FAM107B: variants seen among roughly 807,000 people sequenced by gnomAD.
FAM107B encodes the protein family with sequence similarity 107 member B.
A neutral mutation model predicts 31.5 loss-of-function variants in FAM107B; 21 were observed. The ratio of observed to expected loss-of-function variants is 0.67; its 90% CI spans 0.47 to 0.96. The LOEUF (loss-of-function observed/expected upper bound fraction) is 0.96, where lower values mean the gene tolerates loss of function less well. FAM107B is among the 40% of genes least tolerant of loss of function. The pLI is 0.00. For missense variants in FAM107B, 452 were observed against 377.1 expected, an observed-to-expected ratio of 1.20 and a Z score of -1.64; for synonymous variants, 157 against 141.5, an observed-to-expected ratio of 1.11 and a Z score of -0.78.
At chr10:14,653,225 T>G (rs897384264) in intron 2 of FAM107B, among the ~76,000 whole-genome samples, 1 of 152,256 alleles carries the variant, frequency 6.6e-6, no homozygotes, top group Non-Finnish European at 1.5e-5. Context: ...TTTTTGAGTC[T>G]TAGAACTGTT....
rs112961351 is a variant in FAM107B, at chr10:14,540,228, A to T, written c.470-9713T>A. ...ACCTTGGCTAATGTTCCCCAGACCA[A>T]CTGCTACCTAGGAGCTGGCAGTGTC... is the stretch of plus-strand genomic sequence containing the variant. On this transcript the variant is annotated intron_variant, in intron 2 of 4. Coordinates refer to ENST00000181796, the MANE Select transcript of FAM107B (RefSeq NM_031453.4). Among the ~76,000 whole-genome samples, 440 of 152,332 alleles carry T rather than the reference A, an allele frequency of 2.9e-3. 5 individuals carry two copies. Among genetic ancestry groups the T allele is most frequent in the African/African-American group, 9.8e-3 (409 of 41,566 alleles).
chr10:14,647,685 C>CAA lies in FAM107B; in HGVS notation c.469+19947_469+19948dup, dbSNP rs35141961. On this transcript the variant is annotated intron_variant, in intron 2 of 4. Transcript: ENST00000181796. ...TGGGTGACAAAGTTAGACTCCATCT[C>CAA]AAAAAAAAAAAAAAAAAAAGATTGC... is the stretch of plus-strand genomic sequence containing the variant. Among the ~76,000 whole-genome samples, 390 of 89,068 alleles carry CAA rather than the reference C, an allele frequency of 4.4e-3. 4 individuals carry two copies. The highest frequency in any genetic ancestry group is 0.035 in the South Asian group (105 of 2,966). 58.4% of individuals were successfully genotyped at this position (89,068 alleles called of 152,430 possible).
intron 1 of FAM107B, among the ~76,000 whole-genome samples, chr10:14,768,898 T>C (rs955979607): frequency 4.6e-5 from 7 of 152,222 alleles, no homozygotes; most frequent in East Asian, 1.9e-4. Flanking sequence ...TCACCTCATC[T>C]TCCTGCTGTC....
At chr10:14,639,607 C>T (rs979400657) in intron 2 of FAM107B, among the ~76,000 whole-genome samples, 2 of 152,182 alleles carry the variant, frequency 1.3e-5, no homozygotes, top group African/African-American at 4.8e-5. Flanking sequence ...CAATGCCATT[C>T]CTTGACTTCC....
In FAM107B at chr10:14,693,469, C is replaced by T. The variant is rs542300867; in HGVS notation, c.412-25778G>A. On this transcript the variant is annotated intron_variant, in intron 1 of 4. Transcript: ENST00000181796. ...CTCCAGCCTCGGCGACAGAGTGACA[C>T]CGTCTCAAAAAAAAAAAAAAGGTAT... 2.1e-4 allele frequency among the ~76,000 whole-genome samples: 28 copies of T among 134,334 alleles called. No homozygotes were observed. In the East Asian group the frequency reaches 3.9e-3, roughly 19 times the overall value. 88.1% of individuals were successfully genotyped at this position (134,334 alleles called of 152,430 possible).
intron 2 of FAM107B, among the ~76,000 whole-genome samples, chr10:14,655,563 T>G (rs2131454499): frequency 6.6e-6 from 1 of 152,138 alleles, no homozygotes; most frequent in African/African-American, 2.4e-5. Context: ...GGCACAAACG[T>G]TTTAAAATAT....
At chr10:14,737,112 C>G (rs1488637925) in intron 1 of FAM107B, among the ~76,000 whole-genome samples, 1 of 152,106 alleles carries the variant, frequency 6.6e-6, no homozygotes, top group Non-Finnish European at 1.5e-5. Context: ...GGAGCACCAC[C>G]AAGCCAGAGA....
chr10:14,763,452 C>T (rs1334880625), intron 1 of FAM107B, among the ~76,000 whole-genome samples: 5 of 152,162 alleles, frequency 3.3e-5, no homozygotes, highest in African/African-American at 4.8e-5. Context: ...GTAGCCCCCA[C>T]GTGCCTCTAA....
At chr10:14,615,131 C>A (rs1852818466) in intron 2 of FAM107B, among the ~76,000 whole-genome samples, 1 of 152,044 alleles carries the variant, frequency 6.6e-6, no homozygotes, top group Admixed American at 6.6e-5. Context: ...GAGTTCGAGA[C>A]CAGCCTGTCC....
chr10:14,608,718 T>C (rs2131387932), intron 2 of FAM107B, among the ~76,000 whole-genome samples: 1 of 152,344 alleles, frequency 6.6e-6, no homozygotes, highest in South Asian at 2.1e-4. Context: ...AGAAGAATGA[T>C]AGAAGTCTGT....
At chr10:14,663,573 T>G (rs1369348137) in intron 2 of FAM107B, 1 of 152,162 alleles carries the variant, frequency 6.6e-6, no homozygotes, top group African/African-American at 2.4e-5. Context: ...CAAACCACAA[T>G]GCATCACATT....
intron 1 of FAM107B, among the ~76,000 whole-genome samples, chr10:14,765,997 G>C (rs1833153168): frequency 6.6e-6 from 1 of 152,150 alleles, no homozygotes; most frequent in Non-Finnish European, 1.5e-5. Flanking sequence ...GTTTATAATA[G>C]GCTTCCAAGC....
At chr10:14,641,601 C>T (rs548119859) in intron 2 of FAM107B, among the ~76,000 whole-genome samples, 36 of 152,192 alleles carry the variant, frequency 2.4e-4, no homozygotes, top group Non-Finnish European at 4.6e-4. Context: ...TCTCACATGA[C>T]AAAGAGAAAA....
At chr10:14,577,772 T>A (rs1318434042) in intron 2 of FAM107B, among the ~76,000 whole-genome samples, 1 of 152,214 alleles carries the variant, frequency 6.6e-6, no homozygotes, top group East Asian at 1.9e-4. Context: ...CCCAATGTTT[T>A]TAACCCCCAA....
chr10:14,742,394 AG>A (rs1317352987), intron 1 of FAM107B, among the ~76,000 whole-genome samples: 1 of 151,866 alleles, frequency 6.6e-6, no homozygotes, highest in Non-Finnish European at 1.5e-5. Flanking sequence ...CTGGGATTAC[AG>A]GTGTGAGCCA....
chr10:14,700,627 C>T (rs1174132651), intron 1 of FAM107B, among the ~76,000 whole-genome samples: 1 of 151,964 alleles, frequency 6.6e-6, no homozygotes, highest in Admixed American at 6.6e-5. Flanking sequence ...GAGCTTGATC[C>T]ATGATGTGGA....
intron 2 of FAM107B, among the ~76,000 whole-genome samples, chr10:14,541,618 G>C (rs915813377): frequency 6.6e-6 from 1 of 152,120 alleles, no homozygotes; most frequent in Non-Finnish European, 1.5e-5. Context: ...GACTCCACTG[G>C]ACGCCCCTTG....
At chr10:14,611,072 T>C (rs1453542540) in intron 2 of FAM107B, among the ~76,000 whole-genome samples, 1 of 152,222 alleles carries the variant, frequency 6.6e-6, no homozygotes, top group Non-Finnish European at 1.5e-5. Context: ...GACTACTGAA[T>C]GATGCAAAGA....
At chr10:14,527,999 C>CT (rs57985098) in intron 3 of FAM107B, 18,250 of 303,868 alleles carry the variant, frequency 0.06, 83 homozygotes, top group East Asian at 0.15. Context: ...TCTGCCTTTT[C>CT]TTTTTTTTTT....
Sources: gnomAD v4.1 joint callset for allele counts (sites outside exome capture counted in the v4.1 genomes callset) on GRCh38, gnomAD v4.1.1 for gene constraint, MANE v1.5 for transcripts, NCBI Gene and HGNC (gene_info 2026-07-23, HGNC 2026-07-21) for gene names.